GPHN: variants seen among roughly 807,000 people sequenced by gnomAD.
GPHN encodes gephyrin.
A neutral mutation model predicts 95.5 loss-of-function variants in GPHN; 17 were observed. That is an observed-to-expected ratio of 0.18 (90% CI 0.12 to 0.27). The LOEUF (loss-of-function observed/expected upper bound fraction) is 0.27, where lower values mean the gene tolerates loss of function less well. GPHN is among the 10% of genes least tolerant of loss of function. The probability of loss-of-function intolerance (pLI) is 1.00; values close to 1 mark genes in which losing one functional copy is unlikely to be tolerated. For synonymous variants in GPHN, 320 were observed against 322.5 expected (o/e 0.99, Z 0.08); for missense variants, 660 against 978.1 (o/e 0.67, Z 4.34).
the GPHN span, among the ~76,000 whole-genome samples, chr14:67,399,775 A>G: frequency 5.3e-5 from 8 of 151,870 alleles, no homozygotes; most frequent in South Asian, 2.1e-4. Flanking sequence ...GTGGCTCTCA[A>G]GTGGGTGGTA....
intron 1 of GPHN, among the ~76,000 whole-genome samples, chr14:66,668,506 T>A (rs906788955): frequency 2.6e-5 from 4 of 152,116 alleles, no homozygotes; most frequent in African/African-American, 9.7e-5. Context: ...CTGGAAGTCA[T>A]TATCCTTAGC....
intron 4 of GPHN, among the ~76,000 whole-genome samples, chr14:66,846,522 AG>A (rs1403018407): frequency 6.6e-6 from 1 of 152,130 alleles, no homozygotes; most frequent in Admixed American, 6.5e-5. Context: ...AAATGTTCAA[AG>A]TCACAGTGGC....
At chr14:66,693,672 T>C (rs994529746) in intron 2 of GPHN, among the ~76,000 whole-genome samples, 1 of 152,210 alleles carries the variant, frequency 6.6e-6, no homozygotes, top group Non-Finnish European at 1.5e-5. Context: ...TCTTACTTAC[T>C]CAGCCTATGG....
At chr14:67,709,507 G>A in the GPHN span, among the ~76,000 whole-genome samples, 1 of 152,300 alleles carries the variant, frequency 6.6e-6, no homozygotes, top group East Asian at 1.9e-4. Flanking sequence ...CCATATGCTG[G>A]TCTTGCATCA....
intron 6 of GPHN, 67 bp downstream of exon 6, chr14:66,916,136 C>A: frequency 9.3e-7 from 1 of 1,072,308 alleles, no homozygotes; most frequent in Non-Finnish European, 1.5e-6. Flanking sequence ...AGTTAGCCAG[C>A]CAAAAAGTTG....
chr14:67,616,227 TTTG>T, the GPHN span: 4 of 212,434 alleles, frequency 1.9e-5, no homozygotes, highest in East Asian at 3.3e-4. Flanking sequence ...TTTTTTTTTT[TTTG>T]TACAGTTAAC....
At position 66,923,567 on chromosome 14, in the gene GPHN, A is replaced by G. The variant is rs551289203; in HGVS notation, c.730-627A>G. Among the ~76,000 whole-genome samples, 3 of 152,282 alleles carry G rather than the reference A, an allele frequency of 2.0e-5. 1 individual carries two copies. The highest frequency in any genetic ancestry group is 4.1e-4 in the South Asian group (2 of 4,832). ...CAACTCCATGGGTAAATATACTACC[A>G]TGAGTTACTTGAGTAAATTTAACTG... On this transcript the variant is annotated intron_variant, in intron 7 of 22. Coordinates refer to ENST00000478722, the MANE Select transcript of GPHN (RefSeq NM_020806.5).
At chr14:67,638,705 C>T in the GPHN span, among the ~76,000 whole-genome samples, 1 of 152,166 alleles carries the variant, frequency 6.6e-6, no homozygotes, top group African/African-American at 2.4e-5. Flanking sequence ...TCAGGCAGGG[C>T]CTCTCAAGGT....
At chr14:67,164,727 A>G (rs1452684969) in intron 19 of GPHN, among the ~76,000 whole-genome samples, 2 of 152,006 alleles carry the variant, frequency 1.3e-5, no homozygotes, top group African/African-American at 4.8e-5. Flanking sequence ...CCTGACCTCA[A>G]GTGATCCACC....
intron 4 of GPHN, among the ~76,000 whole-genome samples, chr14:66,840,297 T>G (rs1191979337): frequency 6.6e-6 from 1 of 151,874 alleles, no homozygotes; most frequent in East Asian, 1.9e-4. Flanking sequence ...AAAATAAAAC[T>G]AATAATAATA....
At position 67,093,688 on chromosome 14, in the gene GPHN, C is replaced by T. The variant is rs182963116; in HGVS notation, c.1237+4613C>T. ...CTGGAAGATAATGGTAAAGAATACA[C>T]GATGCCTTCTTACTCATGTATCCTA... On this transcript the variant is annotated intron_variant, in intron 12 of 22. Coordinates refer to ENST00000478722, the MANE Select transcript of GPHN (RefSeq NM_020806.5). Among the ~76,000 whole-genome samples, 554 of 152,134 alleles carry T rather than the reference C, an allele frequency of 3.6e-3. 2 individuals carry two copies. The highest frequency in any genetic ancestry group is 0.011 in the African/African-American group (475 of 41,520).
At chr14:67,044,738 T>TTCC (rs3036765) in intron 10 of GPHN, among the ~76,000 whole-genome samples, 5 of 150,636 alleles carry the variant, frequency 3.3e-5, no homozygotes, top group Non-Finnish European at 4.4e-5. Flanking sequence ...GAGTACCCCC[T>TTCC]TCCTCCTCCT....
At chr14:67,031,960 T>G (rs992681248) in intron 10 of GPHN, among the ~76,000 whole-genome samples, 7 of 152,144 alleles carry the variant, frequency 4.6e-5, no homozygotes, top group African/African-American at 1.7e-4. Flanking sequence ...AACCCTCATA[T>G]CCTCATAGAG....
chr14:66,722,324 C>A (rs1332314755), intron 2 of GPHN, among the ~76,000 whole-genome samples: 1 of 152,078 alleles, frequency 6.6e-6, no homozygotes, highest in Non-Finnish European at 1.5e-5. Context: ...TGGGGGAAAA[C>A]CCTTTCACGA....
At chr14:66,924,805 C>T (rs2066399475) in intron 8 of GPHN, among the ~76,000 whole-genome samples, 1 of 151,860 alleles carries the variant, frequency 6.6e-6, no homozygotes, top group Admixed American at 6.6e-5. Flanking sequence ...TGTGATTCCT[C>T]ATCATAAGTA....
intron 2 of GPHN, among the ~76,000 whole-genome samples, chr14:66,717,397 A>G (rs923397365): frequency 1.9e-4 from 29 of 150,418 alleles, no homozygotes; most frequent in African/African-American, 6.8e-4. Flanking sequence ...TTTCTTCTTC[A>G]CTTCTTATAT....
chr14:66,856,406 A>G (rs2062805680), intron 4 of GPHN, among the ~76,000 whole-genome samples: 1 of 152,162 alleles, frequency 6.6e-6, no homozygotes, highest in Non-Finnish European at 1.5e-5. Flanking sequence ...AAGTGATTCA[A>G]TAGAGAAACA....
intron 13 of GPHN, among the ~76,000 whole-genome samples, chr14:67,104,120 A>G (rs1325283105): frequency 2.0e-5 from 3 of 152,132 alleles, no homozygotes; most frequent in African/African-American, 7.2e-5. Flanking sequence ...GTCTGTTGAG[A>G]TGATCATATG....
At chr14:67,105,453 T>C (rs895583881) in intron 13 of GPHN, among the ~76,000 whole-genome samples, 5 of 152,148 alleles carry the variant, frequency 3.3e-5, no homozygotes, top group African/African-American at 1.2e-4. Flanking sequence ...CAAATATTAT[T>C]GTATTGGAAT....
Sources: allele counts gnomAD v4.1 joint callset (sites outside exome capture counted in the v4.1 genomes callset), GRCh38; gene constraint gnomAD v4.1.1; transcripts MANE v1.5; gene names NCBI Gene and HGNC (gene_info 2026-07-23, HGNC 2026-07-21).